GALNT13: variants seen among roughly 807,000 people sequenced by gnomAD.
The protein encoded by GALNT13 is UDP-GalNAc:polypeptide N-acetylgalactosaminyltransferase 13.
GALNT13 carries 28 observed loss-of-function variants against 64.2 expected under a neutral mutation model. That is an observed-to-expected ratio of 0.44 (90% confidence interval 0.32 to 0.60). The LOEUF (loss-of-function observed/expected upper bound fraction) is 0.60, where lower values mean the gene tolerates loss of function less well. GALNT13 is among the 20% of genes least tolerant of loss of function. GALNT13 has a pLI of 0.05. For missense variants in GALNT13, 577 were observed against 669.8 expected, an observed-to-expected ratio of 0.86 and a Z score of 1.53; for synonymous variants, 214 against 224.6, an observed-to-expected ratio of 0.95 and a Z score of 0.42.
At chr2:153,841,272 C>G in the GALNT13 span, among the ~76,000 whole-genome samples, 15 of 152,014 alleles carry the variant, frequency 9.9e-5, no homozygotes, top group Non-Finnish European at 1.5e-5. Flanking sequence ...TAAAAAATTA[C>G]CACCTTTAAA....
the GALNT13 span, among the ~76,000 whole-genome samples, chr2:153,194,160 G>C: frequency 6.6e-6 from 1 of 151,958 alleles, no homozygotes; most frequent in South Asian, 2.1e-4. Flanking sequence ...GAAGTTTCCA[G>C]GTATTATTTT....
chr2:154,058,198 G>A (rs997055469), intron 3 of GALNT13, among the ~76,000 whole-genome samples: 1 of 152,082 alleles, frequency 6.6e-6, no homozygotes, highest in African/African-American at 2.4e-5. Flanking sequence ...AACCATGTGA[G>A]GACATAAGAA....
chr2:153,332,893 T>C, the GALNT13 span, among the ~76,000 whole-genome samples: 7 of 152,188 alleles, frequency 4.6e-5, no homozygotes, highest in East Asian at 1.3e-3. Flanking sequence ...CAATGGCACA[T>C]GCAGACTGGT....
At chr2:153,594,304 G>A in the GALNT13 span, among the ~76,000 whole-genome samples, 7 of 152,098 alleles carry the variant, frequency 4.6e-5, no homozygotes, top group African/African-American at 1.7e-4. Flanking sequence ...AATAACCAAA[G>A]AAGGTTTACA....
chr2:154,357,197 C>T (rs903123446), intron 9 of GALNT13, among the ~76,000 whole-genome samples: 6 of 152,002 alleles, frequency 3.9e-5, no homozygotes, highest in African/African-American at 1.2e-4. Context: ...TTAAAATAAT[C>T]TCTAAGATCT....
the GALNT13 span, among the ~76,000 whole-genome samples, chr2:153,212,967 T>G: frequency 6.6e-6 from 1 of 152,238 alleles, no homozygotes; most frequent in South Asian, 2.1e-4. Context: ...ATGTTATTCA[T>G]AGCAAAGAGT....
At chr2:154,177,666 G>A (rs1174529366) in intron 4 of GALNT13, among the ~76,000 whole-genome samples, 1 of 152,118 alleles carries the variant, frequency 6.6e-6, no homozygotes, top group Non-Finnish European at 1.5e-5. Context: ...TAGGAATAGT[G>A]GGCTAGGGGA....
At chr2:154,173,870 A>G (rs1043505873) in intron 4 of GALNT13, among the ~76,000 whole-genome samples, 3 of 152,180 alleles carry the variant, frequency 2.0e-5, no homozygotes, top group Non-Finnish European at 4.4e-5. Flanking sequence ...TTTTATTAAA[A>G]GACAAGCAAT....
chr2:153,352,537 A>C, the GALNT13 span, among the ~76,000 whole-genome samples: 1 of 152,054 alleles, frequency 6.6e-6, no homozygotes, highest in South Asian at 2.1e-4. Context: ...CACCAATCCC[A>C]AAGTCGTTTA....
chr2:153,542,306 G>A, the GALNT13 span, among the ~76,000 whole-genome samples: 2 of 150,474 alleles, frequency 1.3e-5, no homozygotes, highest in Non-Finnish European at 2.9e-5. Context: ...GGCAATAAGA[G>A]CAAAACTCCA....
At chr2:153,372,644 CAAAA>C in the GALNT13 span, among the ~76,000 whole-genome samples, 1 of 130,194 alleles carries the variant, frequency 7.7e-6, no homozygotes, top group South Asian at 2.4e-4. Flanking sequence ...GACTCTGTCT[CAAAA>C]AAAAAAAAAG....
chr2:153,449,520 C>T, the GALNT13 span, among the ~76,000 whole-genome samples: 1 of 152,200 alleles, frequency 6.6e-6, no homozygotes, highest in Non-Finnish European at 1.5e-5. Context: ...ATGGTAATGG[C>T]TTCTTGCTGT....
the GALNT13 span, among the ~76,000 whole-genome samples, chr2:153,590,968 A>AG: frequency 1.4e-5 from 2 of 138,134 alleles, no homozygotes; most frequent in South Asian, 5.2e-4. Flanking sequence ...TCTTAGCCAG[A>AG]GAAATCAGGT....
chr2:153,990,873 G>A (rs1695114381), intron 3 of GALNT13, among the ~76,000 whole-genome samples: 1 of 152,166 alleles, frequency 6.6e-6, no homozygotes, highest in Non-Finnish European at 1.5e-5. Context: ...CATTTGAGAA[G>A]CAGATTGAAA....
the GALNT13 span, among the ~76,000 whole-genome samples, chr2:153,501,356 G>C: frequency 6.6e-6 from 1 of 151,686 alleles, no homozygotes; most frequent in African/African-American, 2.4e-5. Context: ...TTTTGAGATG[G>C]AGTCGCCCTC....
At chr2:153,837,874 A>G in the GALNT13 span, among the ~76,000 whole-genome samples, 2 of 152,016 alleles carry the variant, frequency 1.3e-5, no homozygotes, top group Non-Finnish European at 2.9e-5. Flanking sequence ...ATACCAATTT[A>G]TATAATAGTT....
the GALNT13 span, among the ~76,000 whole-genome samples, chr2:153,246,464 AC>A: frequency 6.6e-5 from 10 of 152,238 alleles, no homozygotes; most frequent in Non-Finnish European, 1.2e-4. Context: ...CAGAAAACCC[AC>A]AAGCAAGAAG....
intron 11 of GALNT13, among the ~76,000 whole-genome samples, chr2:154,420,910 C>T (rs1190756534): frequency 2.0e-5 from 3 of 152,096 alleles, no homozygotes; most frequent in Non-Finnish European, 4.4e-5. Context: ...TTTGCTGTAC[C>T]TGTGATTGTC....
At chr2:153,857,031 A>G in the GALNT13 span, among the ~76,000 whole-genome samples, 20 of 152,184 alleles carry the variant, frequency 1.3e-4, no homozygotes, top group Admixed American at 1.3e-3. Context: ...TATTAAGTTC[A>G]AAATAGGTGT....
Sources: gnomAD v4.1 joint callset for allele counts (sites outside exome capture counted in the v4.1 genomes callset) on GRCh38, gnomAD v4.1.1 for gene constraint, MANE v1.5 for transcripts, NCBI Gene and HGNC (gene_info 2026-07-23, HGNC 2026-07-21) for gene names.